The following PRPH2 variants were observed in gnomAD, a reference collection of about 807,000 sequenced individuals.
PRPH2 encodes peripherin-2.
PRPH2 carries 17 observed loss-of-function variants against 31.3 expected under a neutral mutation model. That is an observed-to-expected ratio of 0.54 (90% CI 0.37 to 0.81). PRPH2 has a LOEUF of 0.81. Ranked by LOEUF, PRPH2 falls within the 40% of genes least tolerant of loss-of-function variation. PRPH2 has a pLI of 0.00. For synonymous variants in PRPH2, 165 were observed against 184.4 expected, an observed-to-expected ratio of 0.89 and a Z score of 0.85; for missense variants, 430 against 439.7, an observed-to-expected ratio of 0.98 and a Z score of 0.20.
At chr6:42,711,244 G>A (rs943922734) in intron 1 of PRPH2, among the ~76,000 whole-genome samples, 4 of 152,136 alleles carry the variant, frequency 2.6e-5, no homozygotes, top group African/African-American at 4.8e-5. Context: ...CAGCAGATGC[G>A]GGCCCCTCCA....
rs1800113439 is a variant in PRPH2 at position 42,704,503 on chromosome 6, G to C, written c.690C>G (p.Asn230Lys). The C allele has an allele frequency of 4.3e-6, 7 of 1,614,224 alleles. No individual in the cohort carries two copies. The East Asian group carries it at 1.6e-4, about 36-fold the overall frequency. Residue 230 changes from asparagine to lysine, a missense_variant, in exon 2 of 3, where the codon AAC becomes AAG. Transcript: ENST00000230381. Reference protein sequence around the residue: ...RPCIQYQITNNSAHYSYDHQT... With the variant: ...RPCIQYQITNKSAHYSYDHQT... ...GGTGGTCGTAACTGTAGTGTGCTGA[G>C]TTGTTGGTGATCTGATACTGGATGC...
rs1349908742 is a variant in PRPH2 at position 42,715,012 on chromosome 6, G to C, written c.581+6742C>G. On this transcript the variant is annotated intron_variant, in intron 1 of 2. Transcript: ENST00000230381. ...ATCACTTGAGGTCAGGAGTTCGAGA[G>C]CAGCCTGACCAAATGGTGAAACCCC... is the stretch of plus-strand genomic sequence containing the variant. Among the ~76,000 whole-genome samples, 3 of 152,006 alleles carry C rather than the reference G, an allele frequency of 2.0e-5. No homozygotes were observed. In the East Asian group the frequency reaches 5.9e-4, roughly 30 times the overall value.
At chr6:42,716,267 AAGG>A (rs1761776789) in intron 1 of PRPH2, among the ~76,000 whole-genome samples, 3 of 152,080 alleles carry the variant, frequency 2.0e-5, no homozygotes, top group Admixed American at 2.0e-4. Context: ...AAACAAAAAA[AAGG>A]AGAATTCTGC....
chr6:42,706,126 C>A (rs1800159094), intron 1 of PRPH2, among the ~76,000 whole-genome samples: 1 of 151,808 alleles, frequency 6.6e-6, no homozygotes. Context: ...AAAATACAGG[C>A]CGGGCACGGT....
At chr6:42,706,769 C>A (rs1351520005) in intron 1 of PRPH2, among the ~76,000 whole-genome samples, 2 of 152,110 alleles carry the variant, frequency 1.3e-5, no homozygotes, top group African/African-American at 4.8e-5. Context: ...TAAATAAAAT[C>A]TCTTTAATAT....
At position 42,698,236 on chromosome 6, in the gene PRPH2, C is replaced by G. The variant is rs184690060; in HGVS notation, c.*59G>C. The G allele has an allele frequency of 1.2e-4, 189 of 1,605,370 alleles. No individual in the cohort carries two copies. In the East Asian group the frequency reaches 3.9e-3, roughly 33 times the overall value. The stretch of plus-strand genomic sequence containing the variant: ...TTTCGGAGTTGGATGAGGGGGAGAT[C>G]CACGTTTCTTGGAGTGCACTATTTC... On this transcript the variant is annotated 3_prime_UTR_variant, in exon 3 of 3. Transcript: ENST00000230381.
At chr6:42,719,567 C>G (rs1403234748) in intron 1 of PRPH2, among the ~76,000 whole-genome samples, 1 of 111,062 alleles carries the variant, frequency 9.0e-6, no homozygotes, top group Non-Finnish European at 1.8e-5. Context: ...ACTAAATTGT[C>G]TTTTTTTTTT....
chr6:42,708,439 A>G (rs1800212900), intron 1 of PRPH2, among the ~76,000 whole-genome samples: 2 of 152,182 alleles, frequency 1.3e-5, no homozygotes, highest in Admixed American at 6.5e-5. Flanking sequence ...GAAGTGGGGC[A>G]GGGGTGGGAA....
rs59389246 is a variant in PRPH2, at chr6:42,704,165, G to GAATAAATA, written c.828+192_828+199dup. Among the ~76,000 whole-genome samples, 72 of 150,236 alleles carry GAATAAATA rather than the reference G, an allele frequency of 4.8e-4. No individual in the cohort carries two copies. The South Asian group carries it at 7.2e-3, about 15-fold the overall frequency. Reference sequence around the variant, plus strand: ...GAAAGAAACCAAAAAAGAAATAAATGAATAAATAAATAAATAAATAAATAC... The same window carrying GAATAAATA: ...GAAAGAAACCAAAAAAGAAATAAATGAATAAATAAATAAATAAATAAATAAATAAATAC... On this transcript the variant is annotated intron_variant, in intron 2 of 2. Transcript: ENST00000230381.
chr6:42,719,512 G>T (rs1323413713), intron 1 of PRPH2, among the ~76,000 whole-genome samples: 1 of 150,788 alleles, frequency 6.6e-6, no homozygotes, highest in Non-Finnish European at 1.5e-5. Context: ...CATGATCATT[G>T]TGGATATTAT....
intron 1 of PRPH2, among the ~76,000 whole-genome samples, chr6:42,717,076 G>A (rs1349994045): frequency 7.3e-6 from 1 of 137,016 alleles, no homozygotes; most frequent in Non-Finnish European, 1.5e-5. Context: ...CAAAGTGCTA[G>A]GATTACAAGC....
intron 1 of PRPH2, among the ~76,000 whole-genome samples, chr6:42,719,052 A>G (rs990906976): frequency 2.0e-5 from 3 of 152,230 alleles, no homozygotes; most frequent in Admixed American, 2.0e-4. Flanking sequence ...GAAATAAAAG[A>G]CAGAGACAGA....
intron 1 of PRPH2, among the ~76,000 whole-genome samples, chr6:42,718,565 C>T (rs147816282): frequency 2.2e-4 from 34 of 152,228 alleles, no homozygotes; most frequent in African/African-American, 6.5e-4. Context: ...TGGAAGAACA[C>T]GTAGCCCACT....
intron 2 of PRPH2, among the ~76,000 whole-genome samples, chr6:42,699,409 A>ATT (rs1431248792): frequency 6.6e-6 from 1 of 152,070 alleles, no homozygotes; most frequent in Non-Finnish European, 1.5e-5. Flanking sequence ...CTGGTAAAAA[A>ATT]TAATTTGGAT....
At chr6:42,705,030 G>A (rs1210622785) in intron 1 of PRPH2, among the ~76,000 whole-genome samples, 1 of 152,134 alleles carries the variant, frequency 6.6e-6, no homozygotes, top group Non-Finnish European at 1.5e-5. Flanking sequence ...CAGGTCACTG[G>A]TGGCCAAGGC....
rs1761906163 is a variant in PRPH2, at chr6:42,721,808, T to A, written c.527A>T (p.Glu176Val). Residue 176 changes from glutamate to valine, a missense_variant, in exon 1 of 3, where the codon GAG becomes GTG. Transcript: ENST00000230381. Reference protein sequence around the residue: ...CGNNGFRDWFEIQWISNRYLD... With the variant: ...CGNNGFRDWFVIQWISNRYLD... ...GTAGCGATTGCTGATCCACTGAATC[T>A]CAAACCAGTCCCGAAAACCGTTGTT... is the stretch of plus-strand genomic sequence containing the variant. 8 of 1,614,184 alleles carry A rather than the reference T, an allele frequency of 5.0e-6. No individual in the cohort carries two copies. The highest frequency in any genetic ancestry group is 5.1e-6 in the Non-Finnish European group (6 of 1,180,038).
chr6:42,702,602 G>A (rs539142651), intron 2 of PRPH2, among the ~76,000 whole-genome samples: 3 of 151,880 alleles, frequency 2.0e-5, no homozygotes, highest in Non-Finnish European at 4.4e-5. Context: ...GGTGGCTCAC[G>A]CCTGTAATCC....
chr6:42,699,564 G>A (rs1342453639), intron 2 of PRPH2, among the ~76,000 whole-genome samples: 3 of 152,152 alleles, frequency 2.0e-5, no homozygotes, highest in Non-Finnish European at 4.4e-5. Context: ...CCCACCCCGT[G>A]TGGATACTGT....
At chr6:42,711,536 C>T (rs978884946) in intron 1 of PRPH2, among the ~76,000 whole-genome samples, 7 of 140,242 alleles carry the variant, frequency 5.0e-5, no homozygotes, top group African/African-American at 1.9e-4. Context: ...GAAACACAGC[C>T]CCATCCTCAG....
Sources: gnomAD v4.1 joint callset for allele counts (sites outside exome capture counted in the v4.1 genomes callset) on GRCh38, gnomAD v4.1.1 for gene constraint, MANE v1.5 for transcripts, NCBI Gene and HGNC (gene_info 2026-07-23, HGNC 2026-07-21) for gene names.